The following CEP83 variants were observed in gnomAD, a reference collection of about 807,000 sequenced individuals.
The protein encoded by CEP83 is centrosomal protein 83, also known as centrosomal protein of 83 kDa.
CEP83 carries 70 observed loss-of-function variants against 101.9 expected under a neutral mutation model. That is an observed-to-expected ratio of 0.69 (90% CI 0.57 to 0.84). CEP83 has a LOEUF of 0.84. Ranked by LOEUF, CEP83 falls within the 40% of genes least tolerant of loss-of-function variation. CEP83 has a pLI of 0.00. For synonymous variants in CEP83, 264 were observed against 267.9 expected, an observed-to-expected ratio of 0.99 and a Z score of 0.14; for missense variants, 715 against 787.2, an observed-to-expected ratio of 0.91 and a Z score of 1.10.
At chr12:94,335,870 C>G in intron 11 of CEP83, 1 of 509,526 alleles carries the variant, frequency 2.0e-6, no homozygotes, top group South Asian at 2.5e-5. Flanking sequence ...AATCTACAAA[C>G]TAGGGGCATA....
intron 11 of CEP83, among the ~76,000 whole-genome samples, chr12:94,349,299 A>AG (rs1356384472): frequency 1.3e-5 from 2 of 151,786 alleles, no homozygotes; most frequent in African/African-American, 4.8e-5. Flanking sequence ...AAAAAAAAAA[A>AG]AAAGAAAAAA....
At chr12:94,298,535 T>C in the CEP83 span, 3 of 1,027,646 alleles carry the variant, frequency 2.9e-6, no homozygotes, top group Admixed American at 2.8e-5. Flanking sequence ...GTTTTGAACA[T>C]TATTTTCTCT....
At chr12:94,279,484 G>A in the CEP83 span, 19 of 1,613,170 alleles carry the variant, frequency 1.2e-5, no homozygotes, top group Admixed American at 3.3e-5. Flanking sequence ...ATTAAACGTC[G>A]TCTTTGAAAA....
chr12:94,458,173 A>C (rs1281703074), intron 1 of CEP83, among the ~76,000 whole-genome samples: 4 of 150,880 alleles, frequency 2.7e-5, no homozygotes, highest in African/African-American at 9.8e-5. Context: ...CTCCAGCCTG[A>C]GCGACAAGAA....
At chr12:94,437,584 C>G (rs542701762) in intron 1 of CEP83, among the ~76,000 whole-genome samples, 2 of 152,316 alleles carry the variant, frequency 1.3e-5, no homozygotes, top group South Asian at 4.1e-4. Context: ...TATCTTCAGT[C>G]TCTTTAAACA....
the CEP83 span, chr12:94,301,151 A>T: frequency 1.0e-6 from 1 of 1,002,882 alleles, no homozygotes; most frequent in South Asian, 2.1e-5. Flanking sequence ...CAATTGGTCT[A>T]AACTACACCA....
At chr12:94,380,257 T>TACA (rs1448147635) in intron 6 of CEP83, among the ~76,000 whole-genome samples, 1 of 152,140 alleles carries the variant, frequency 6.6e-6, no homozygotes, top group Non-Finnish European at 1.5e-5. Context: ...GAAACTGAAT[T>TACA]ACATGCACTC....
intron 6 of CEP83, among the ~76,000 whole-genome samples, chr12:94,392,184 T>C (rs1005863444): frequency 1.3e-5 from 2 of 152,138 alleles, no homozygotes; most frequent in Non-Finnish European, 2.9e-5. Flanking sequence ...CAACAGAACA[T>C]ACATTCTTCT....
At chr12:94,390,588 C>G (rs1468554329) in intron 6 of CEP83, among the ~76,000 whole-genome samples, 1 of 152,182 alleles carries the variant, frequency 6.6e-6, no homozygotes, top group Non-Finnish European at 1.5e-5. Context: ...GATGGCAGCT[C>G]CTCGCCAGCA....
chr12:94,449,779 T>TAAAAAA (rs71071787), intron 1 of CEP83, among the ~76,000 whole-genome samples: 26 of 48,580 alleles, frequency 5.4e-4, no homozygotes, highest in Non-Finnish European at 6.8e-4. Flanking sequence ...TCTCAAACAA[T>TAAAAAA]AAAAAAAAAA....
At chr12:94,412,190 TA>T (rs915324347) in intron 3 of CEP83, 127 bp downstream of exon 3, 1 of 684,128 alleles carries the variant, frequency 1.5e-6, no homozygotes, top group Non-Finnish European at 2.3e-6. Flanking sequence ...TTTACTATAT[TA>T]AAAAAGTTTT....
intron 1 of CEP83, among the ~76,000 whole-genome samples, chr12:94,450,328 T>A (rs1279740879): frequency 6.6e-6 from 1 of 152,180 alleles, no homozygotes; most frequent in East Asian, 1.9e-4. Flanking sequence ...CTCAGCTCAC[T>A]GCAAGCTCCG....
downstream of CEP83, among the ~76,000 whole-genome samples, chr12:94,302,389 A>C (rs977420183): frequency 3.4e-5 from 5 of 148,472 alleles, no homozygotes; most frequent in Non-Finnish European, 7.4e-5. Flanking sequence ...TCATTCGACA[A>C]ATATGATTTC....
intron 14 of CEP83, among the ~76,000 whole-genome samples, chr12:94,324,044 TA>T (rs920464187): frequency 6.6e-6 from 1 of 152,240 alleles, no homozygotes; most frequent in Non-Finnish European, 1.5e-5. Context: ...GCTCATGCTA[TA>T]TTATCATTTT....
intron 2 of CEP83, among the ~76,000 whole-genome samples, chr12:94,419,468 AGT>A (rs1387475615): frequency 6.6e-6 from 1 of 152,180 alleles, no homozygotes. Flanking sequence ...TATCCAAATG[AGT>A]GTGTCTCTAT....
chr12:94,403,874 T>C (rs1325936677), intron 4 of CEP83, among the ~76,000 whole-genome samples: 1 of 123,782 alleles, frequency 8.1e-6, no homozygotes, highest in Non-Finnish European at 1.7e-5. Flanking sequence ...GAACAAATAC[T>C]AGTTGTAAAA....
At chr12:94,388,113 T>C (rs999756210) in intron 6 of CEP83, among the ~76,000 whole-genome samples, 35 of 152,312 alleles carry the variant, frequency 2.3e-4, no homozygotes, top group Non-Finnish European at 2.4e-4. Context: ...TTCTATTAAA[T>C]TGACACACAC....
chr12:94,396,280 C>CATTT (rs1555247450), intron 6 of CEP83, among the ~76,000 whole-genome samples: 1 of 90,944 alleles, frequency 1.1e-5, no homozygotes, highest in East Asian at 3.2e-4. Flanking sequence ...AAAAGCATGA[C>CATTT]TTTTTTTTTT....
intron 1 of CEP83, among the ~76,000 whole-genome samples, chr12:94,458,735 C>CATAA (rs1001742482): frequency 1.3e-5 from 2 of 152,124 alleles, no homozygotes; most frequent in African/African-American, 2.4e-5. Context: ...GAGACTCAGT[C>CATAA]ATAAATAAAT....
Sources: allele counts gnomAD v4.1 joint callset (sites outside exome capture counted in the v4.1 genomes callset), GRCh38; gene constraint gnomAD v4.1.1; transcripts MANE v1.5; gene names NCBI Gene and HGNC (gene_info 2026-07-23, HGNC 2026-07-21).